Variants in MARCHF10 observed in about 807,000 individuals in gnomAD.
The protein encoded by MARCHF10 is membrane associated ring-CH-type finger 10.
In MARCHF10, 64 loss-of-function variants were observed where a neutral mutation model predicts 76.2. The ratio of observed to expected loss-of-function variants is 0.84; its 90% CI spans 0.69 to 1.03. The LOEUF (loss-of-function observed/expected upper bound fraction) is 1.03, where lower values mean the gene tolerates loss of function less well. MARCHF10 is among the 50% of genes least tolerant of loss of function. The pLI, the probability that MARCHF10 is intolerant of heterozygous loss-of-function variation, is 0.00. For missense variants in MARCHF10, 875 were observed against 958.0 expected, an observed-to-expected ratio of 0.91 and a Z score of 1.14; for synonymous variants, 340 against 357.5, an observed-to-expected ratio of 0.95 and a Z score of 0.55.
At chr17:62,735,881 T>C in intron 6 of MARCHF10, 50 bp downstream of exon 6, 1 of 1,542,826 alleles carries the variant, frequency 6.5e-7, no homozygotes, top group Non-Finnish European at 8.7e-7. Flanking sequence ...GCAATGCTAA[T>C]TTTGGCCTTG....
At chr17:62,757,614 C>T (rs571119797) in intron 4 of MARCHF10, among the ~76,000 whole-genome samples, 93 of 152,318 alleles carry the variant, frequency 6.1e-4, no homozygotes, top group Non-Finnish European at 1.2e-3. Context: ...TGCTGCACAA[C>T]TGATTCCACT....
chr17:62,773,335 G>A (rs553883468), intron 3 of MARCHF10, among the ~76,000 whole-genome samples: 11 of 152,160 alleles, frequency 7.2e-5, no homozygotes, highest in Non-Finnish European at 1.6e-4. Flanking sequence ...AAAGAGACCC[G>A]CTGCGTGCAG....
chr17:62,736,897 G>A lies in MARCHF10; in HGVS notation c.971C>T (p.Thr324Ile). The part of the protein sequence containing the change: ...HKRSRFGGTS[T>I]PQAKNKNFEE... Reference sequence around the variant, plus strand: ...AAAATTTTTATTTTTGGCCTGAGGGGTCGATGTCCCCCCAAATCTACTTCT... The same window carrying A: ...AAAATTTTTATTTTTGGCCTGAGGGATCGATGTCCCCCCAAATCTACTTCT... Residue 324 changes from threonine (T) to isoleucine (I), a missense_variant, in exon 6 of 11, where the codon ACC (threonine) becomes ATC (isoleucine). Transcript: ENST00000311269. 1.9e-6 allele frequency: 3 copies of A among 1,613,998 alleles called. No individual in the cohort carries two copies. The highest frequency in any genetic ancestry group is 2.5e-6 in the Non-Finnish European group (3 of 1,179,940).
intron 9 of MARCHF10, among the ~76,000 whole-genome samples, chr17:62,710,550 C>CTTTTTTTTTTTTTTTT (rs552647502): frequency 3.4e-5 from 3 of 88,620 alleles, no homozygotes; most frequent in African/African-American, 1.5e-4. Flanking sequence ...TTGAACCCAG[C>CTTTTTTTTTTTTTTTT]TTTTTTTTTT....
In MARCHF10 at chr17:62,736,180, A is replaced by G. The variant is rs2091253051; in HGVS notation, c.1688T>C (p.Leu563Ser). The G allele has an allele frequency of 6.2e-7, 1 of 1,614,230 alleles. No individual in the cohort carries two copies. The highest frequency in any genetic ancestry group is 8.5e-7 in the Non-Finnish European group (1 of 1,180,036). Residue 563 changes from leucine (L) to serine (S), a missense_variant, in exon 6 of 11, where the codon TTA becomes TCA. Coordinates refer to ENST00000311269, the MANE Select transcript of MARCHF10 (RefSeq NM_152598.4). ...PQGAPLYTDL[L>S]LNPQGNLSLV... Reference sequence around the variant, plus strand: ...GGACAAATTGCCCTGTGGATTTAGTAAGAGATCTGTATATAGTGGAGCCCC... The same window carrying G: ...GGACAAATTGCCCTGTGGATTTAGTGAGAGATCTGTATATAGTGGAGCCCC...
At chr17:62,758,684 G>T (rs2092113818) in intron 4 of MARCHF10, among the ~76,000 whole-genome samples, 1 of 152,228 alleles carries the variant, frequency 6.6e-6, no homozygotes, top group African/African-American at 2.4e-5. Context: ...GTTAATCTGA[G>T]TGAAAGCTGC....
chr17:62,760,886 T>C (rs1234020642), intron 3 of MARCHF10, among the ~76,000 whole-genome samples: 1 of 152,238 alleles, frequency 6.6e-6, no homozygotes, highest in Non-Finnish European at 1.5e-5. Flanking sequence ...CTCTCCTCCA[T>C]TGCACATTAG....
rs143598974 is a variant in MARCHF10, at chr17:62,784,032, A to G, written c.210+4448T>C. On this transcript the variant is annotated intron_variant, in intron 3 of 10. Transcript: ENST00000311269. ...CTCCCTAACTCATTTTATGAGGCCA[A>G]CATCATCCTGATACCAAAGCCTGGC... is the stretch of plus-strand genomic sequence containing the variant. Among the ~76,000 whole-genome samples the G allele has an allele frequency of 9.4e-3, 1,439 of 152,300 alleles. 28 individuals are homozygous for G. The highest frequency in any genetic ancestry group is 0.031 in the African/African-American group (1,299 of 41,572).
chr17:62,747,625 T>G (rs918858980), intron 4 of MARCHF10, among the ~76,000 whole-genome samples: 22 of 152,220 alleles, frequency 1.4e-4, no homozygotes, highest in African/African-American at 3.9e-4. Context: ...GGTAGCTGCT[T>G]CTTCTACTGT....
chr17:62,729,374 G>T (rs928478784), intron 6 of MARCHF10, among the ~76,000 whole-genome samples: 1 of 150,642 alleles, frequency 6.6e-6, no homozygotes, highest in African/African-American at 2.4e-5. Context: ...AATACTGTTC[G>T]TATTTTCTGA....
At chr17:62,786,610 C>G (rs187982549) in intron 3 of MARCHF10, among the ~76,000 whole-genome samples, 2 of 152,176 alleles carry the variant, frequency 1.3e-5, no homozygotes, top group Admixed American at 1.3e-4. Context: ...ATTATAGAAG[C>G]TATTTCACAT....
At chr17:62,760,498 C>T (rs1005625844) in intron 3 of MARCHF10, among the ~76,000 whole-genome samples, 12 of 152,186 alleles carry the variant, frequency 7.9e-5, no homozygotes, top group South Asian at 2.1e-4. Flanking sequence ...GGGTGCAACA[C>T]GAGACAGACT....
At chr17:62,770,505 T>C (rs1204378607) in intron 3 of MARCHF10, among the ~76,000 whole-genome samples, 1 of 152,116 alleles carries the variant, frequency 6.6e-6, no homozygotes, top group Admixed American at 6.6e-5. Flanking sequence ...AAGTGTTCCC[T>C]ATTCTCCACA....
intron 4 of MARCHF10, among the ~76,000 whole-genome samples, chr17:62,745,918 T>C (rs1259132839): frequency 6.6e-6 from 1 of 152,210 alleles, no homozygotes; most frequent in Admixed American, 6.5e-5. Flanking sequence ...CCCAAGATCA[T>C]TTGTCTGGCT....
At chr17:62,704,896 G>A in intron 10 of MARCHF10, 1 of 979,638 alleles carries the variant, frequency 1.0e-6, no homozygotes, top group Non-Finnish European at 1.2e-6. Flanking sequence ...AGTTCTTCCC[G>A]AGTCTGACTT....
chr17:62,724,723 A>C (rs1477123037), intron 7 of MARCHF10, among the ~76,000 whole-genome samples: 1 of 152,184 alleles, frequency 6.6e-6, no homozygotes, highest in Non-Finnish European at 1.5e-5. Context: ...AAAACAAAAA[A>C]CAAACCAAAA....
intron 2 of MARCHF10, among the ~76,000 whole-genome samples, chr17:62,800,897 T>A (rs1176807634): frequency 6.6e-6 from 1 of 152,222 alleles, no homozygotes; most frequent in South Asian, 2.1e-4. Context: ...AGTTAGCTCA[T>A]TGTAAAATGT....
chr17:62,735,105 C>T (rs530884219), intron 6 of MARCHF10: 1 of 152,284 alleles, frequency 6.6e-6, no homozygotes, highest in Admixed American at 6.5e-5. Flanking sequence ...CCATTTTCCT[C>T]TCGTTTTTAC....
At chr17:62,767,171 C>T (rs1052465656) in intron 3 of MARCHF10, among the ~76,000 whole-genome samples, 1 of 152,030 alleles carries the variant, frequency 6.6e-6, no homozygotes, top group Admixed American at 6.6e-5. Context: ...AGAGTGGGGT[C>T]CCACTGAAGG....
Sources: gnomAD v4.1 joint callset for allele counts (sites outside exome capture counted in the v4.1 genomes callset) on GRCh38, gnomAD v4.1.1 for gene constraint, MANE v1.5 for transcripts, NCBI Gene and HGNC (gene_info 2026-07-23, HGNC 2026-07-21) for gene names.